The following RAPGEF4 variants were observed in gnomAD, a reference collection of about 807,000 sequenced individuals.
RAPGEF4 encodes Rap guanine nucleotide exchange factor 4, also known as RAP guanine-nucleotide-exchange factor (GEF) 4.
Under a neutral mutation model 147.9 loss-of-function variants are expected in RAPGEF4, and 66 were observed. That is an observed-to-expected ratio of 0.45 (90% CI 0.37 to 0.55). RAPGEF4 has a LOEUF of 0.55. Ranked by LOEUF, RAPGEF4 falls within the 20% of genes least tolerant of loss-of-function variation. The pLI is 0.00. For missense variants in RAPGEF4, 1,071 were observed against 1,257.3 expected, an observed-to-expected ratio of 0.85 and a Z score of 2.24; for synonymous variants, 419 against 442.7, an observed-to-expected ratio of 0.95 and a Z score of 0.67.
At chr2:172,917,414 G>A (rs1462242714) in intron 4 of RAPGEF4, 2 of 504,334 alleles carry the variant, frequency 4.0e-6, no homozygotes, top group Non-Finnish European at 7.8e-6. Flanking sequence ...CACCTATTAA[G>A]TAGGCAGCAC....
In RAPGEF4 at chr2:172,820,902, T is replaced by A. The variant is rs140918957; in HGVS notation, c.444+6477T>A. Among the ~76,000 whole-genome samples the A allele has an allele frequency of 1.9e-3, 292 of 152,334 alleles. 2 individuals carry two copies. Among genetic ancestry groups the A allele is most frequent in the African/African-American group, 1.8e-3 (76 of 41,578 alleles). ...TTACTTCCATTTACTGACTTTTTTT[T>A]AGAGTAAATAGGGGAAAATCCCTTT... On this transcript the variant is annotated intron_variant, in intron 4 of 30. Coordinates refer to ENST00000397081, the MANE Select transcript of RAPGEF4 (RefSeq NM_007023.4).
intron 6 of RAPGEF4, among the ~76,000 whole-genome samples, chr2:172,937,077 C>T (rs1195736429): frequency 3.6e-5 from 5 of 138,258 alleles, no homozygotes; most frequent in Non-Finnish European, 6.2e-5. Flanking sequence ...TTTAATTAGT[C>T]AGGCATGGTG....
chr2:172,966,659 G>A (rs1689871233), intron 9 of RAPGEF4, among the ~76,000 whole-genome samples: 1 of 152,100 alleles, frequency 6.6e-6, no homozygotes, highest in Admixed American at 6.6e-5. Context: ...AGGAACAAGA[G>A]GAAAAAACTT....
chr2:172,883,373 A>G (rs1047004533), intron 4 of RAPGEF4, among the ~76,000 whole-genome samples: 3 of 152,116 alleles, frequency 2.0e-5, no homozygotes, highest in African/African-American at 7.2e-5. Flanking sequence ...TCCTTTTACA[A>G]TCAGGATTAA....
intron 4 of RAPGEF4, among the ~76,000 whole-genome samples, chr2:172,844,999 T>C (rs1223599684): frequency 6.6e-6 from 1 of 152,174 alleles, no homozygotes; most frequent in Non-Finnish European, 1.5e-5. Flanking sequence ...ACAAATGGAA[T>C]CCATCTTCTT....
rs1450057791 is a variant in RAPGEF4 at position 172,835,095 on chromosome 2, TC to T, written c.444+20672del. The stretch of plus-strand genomic sequence containing the variant: ...CTCACTGAGATCAAACTGCTCTCTT[TC>T]CTCTGCTCCTGGTGCCTTTTCTCTG... On this transcript the variant is annotated intron_variant, in intron 4 of 30. Transcript: ENST00000397081. Among the ~76,000 whole-genome samples, 7 of 152,342 alleles carry T rather than the reference TC, an allele frequency of 4.6e-5. No individual in the cohort carries two copies. In the East Asian group the frequency reaches 1.3e-3, roughly 29 times the overall value.
At chr2:172,809,641 C>T (rs961757620) in intron 3 of RAPGEF4, among the ~76,000 whole-genome samples, 6 of 152,170 alleles carry the variant, frequency 3.9e-5, no homozygotes, top group Admixed American at 1.3e-4. Context: ...AGGGATCCTC[C>T]TGCCTCACCC....
At chr2:172,806,179 A>G (rs1029778266) in intron 3 of RAPGEF4, among the ~76,000 whole-genome samples, 2 of 152,102 alleles carry the variant, frequency 1.3e-5, no homozygotes, top group Admixed American at 1.3e-4. Flanking sequence ...ATAAGATTTT[A>G]AATTAATCTT....
At chr2:172,903,403 T>TAGC (rs1699292458) in intron 4 of RAPGEF4, among the ~76,000 whole-genome samples, 1 of 142,068 alleles carries the variant, frequency 7.0e-6, no homozygotes, top group Non-Finnish European at 1.5e-5. Flanking sequence ...CCGGGCGTGG[T>TAGC]AGCAGTCACC....
intron 4 of RAPGEF4, among the ~76,000 whole-genome samples, chr2:172,879,785 G>C (rs762519925): frequency 6.6e-6 from 1 of 152,190 alleles, no homozygotes; most frequent in Non-Finnish European, 1.5e-5. Flanking sequence ...CTGGGTGACA[G>C]AGTGTGACCC....
intron 6 of RAPGEF4, 109 bp from the exon 7 acceptor site, chr2:172,960,651 T>C (rs1689190187): frequency 2.6e-6 from 2 of 771,144 alleles, no homozygotes; most frequent in Non-Finnish European, 3.9e-6. Context: ...TTTTAAATTA[T>C]ATTTTGAGTT....
intron 1 of RAPGEF4, among the ~76,000 whole-genome samples, chr2:172,760,653 G>A (rs1316512575): frequency 6.6e-6 from 1 of 151,646 alleles, no homozygotes; most frequent in African/African-American, 2.4e-5. Flanking sequence ...GGGAGGCGGA[G>A]CTTGCAGTGA....
intron 17 of RAPGEF4, among the ~76,000 whole-genome samples, chr2:173,010,501 T>C (rs1694900798): frequency 1.3e-5 from 2 of 152,236 alleles, no homozygotes; most frequent in Admixed American, 1.3e-4. Flanking sequence ...CTTCCTGATG[T>C]GTCTGAATTT....
In RAPGEF4 at chr2:173,052,181, A is replaced by C. The variant is rs1159964533; in HGVS notation, c.*414A>C. On this transcript the variant is annotated 3_prime_UTR_variant, in exon 31 of 31. Transcript: ENST00000397081. Reference sequence around the variant, plus strand: ...TAGATTTGGATAAAATTTTAACTCAACATCTTGATTTGGAGCCTGGGGTTT... The same window carrying C: ...TAGATTTGGATAAAATTTTAACTCACCATCTTGATTTGGAGCCTGGGGTTT... 1 of 154,386 alleles carries C rather than the reference A, an allele frequency of 6.5e-6. No homozygotes were observed. The highest frequency in any genetic ancestry group is 1.4e-5 in the Non-Finnish European group (1 of 69,178). 9.6% of individuals were successfully genotyped at this position (154,386 alleles called of 1,614,324 possible). A position where few individuals can be genotyped will look rare whatever the true frequency, so the allele number is the denominator to read the frequency against.
intron 1 of RAPGEF4, among the ~76,000 whole-genome samples, chr2:172,786,711 CA>C (rs1469467296): frequency 6.6e-6 from 1 of 152,044 alleles, no homozygotes; most frequent in East Asian, 1.9e-4. Flanking sequence ...CTTATCTCTA[CA>C]AAAAATTTTC....
At chr2:173,031,856 T>C (rs181591859) in intron 26 of RAPGEF4, among the ~76,000 whole-genome samples, 258 of 152,278 alleles carry the variant, frequency 1.7e-3, no homozygotes, top group African/African-American at 5.8e-3. Context: ...TATATAATTC[T>C]GTATGGGAGA....
chr2:172,766,871 C>T (rs957443894), intron 1 of RAPGEF4, among the ~76,000 whole-genome samples: 10 of 152,076 alleles, frequency 6.6e-5, no homozygotes. Context: ...TATTCCATTG[C>T]GTGCATATAC....
At chr2:173,048,314 A>T (rs35107898) in intron 29 of RAPGEF4, 147,948 of 407,198 alleles carry the variant, frequency 0.36, 30,360 homozygotes, top group Non-Finnish European at 0.43. Flanking sequence ...ACTAATGTAC[A>T]GTCTCAGGCA....
At chr2:172,831,266 C>CTTTTTTTTTTTTT (rs71018521) in intron 4 of RAPGEF4, among the ~76,000 whole-genome samples, 9,054 of 53,410 alleles carry the variant, frequency 0.17, 3,071 homozygotes, top group Non-Finnish European at 0.2. Flanking sequence ...AGATAGAAAA[C>CTTTTTTTTTTTTT]TTTTTTTTTT....
Sources: gnomAD v4.1 joint callset for allele counts (sites outside exome capture counted in the v4.1 genomes callset) on GRCh38, gnomAD v4.1.1 for gene constraint, MANE v1.5 for transcripts, NCBI Gene and HGNC (gene_info 2026-07-23, HGNC 2026-07-21) for gene names.